TMEM178B: variants seen among roughly 807,000 people sequenced by gnomAD.
The protein encoded by TMEM178B is transmembrane protein 178B.
A neutral mutation model predicts 31.0 loss-of-function variants in TMEM178B; 5 were observed. The observed-to-expected ratio is 0.16, with a 90% CI of 0.08 to 0.34. TMEM178B has a LOEUF of 0.34. TMEM178B is among the 10% of genes least tolerant of loss of function. TMEM178B has a pLI of 1.00. For synonymous variants in TMEM178B, 164 were observed against 164.0 expected (o/e 1.00, Z 0.00); for missense variants, 275 against 400.3 (o/e 0.69, Z 2.67).
intron 2 of TMEM178B, among the ~76,000 whole-genome samples, chr7:141,416,830 A>G (rs1801107040): frequency 6.6e-6 from 1 of 152,206 alleles, no homozygotes. Flanking sequence ...CCAGACACAG[A>G]GTACATAACG....
chr7:141,126,295 G>A (rs1033516798), intron 1 of TMEM178B, among the ~76,000 whole-genome samples: 1 of 152,206 alleles, frequency 6.6e-6, no homozygotes, highest in African/African-American at 2.4e-5. Flanking sequence ...AGAGGGTGGT[G>A]GGGATGGGGC....
At chr7:141,282,266 GC>G (rs1273868728) in intron 2 of TMEM178B, among the ~76,000 whole-genome samples, 1 of 152,222 alleles carries the variant, frequency 6.6e-6, no homozygotes, top group African/African-American at 2.4e-5. Context: ...CCCTGGGTTT[GC>G]AAGTTACGGG....
intron 1 of TMEM178B, among the ~76,000 whole-genome samples, chr7:141,147,387 C>T (rs934155998): frequency 3.9e-5 from 6 of 151,918 alleles, no homozygotes; most frequent in Admixed American, 2.6e-4. Flanking sequence ...CCTTGTAAGC[C>T]GTGTTTAGCA....
At chr7:141,172,127 A>G (rs994638547) in intron 1 of TMEM178B, among the ~76,000 whole-genome samples, 1 of 152,168 alleles carries the variant, frequency 6.6e-6, no homozygotes, top group Non-Finnish European at 1.5e-5. Flanking sequence ...ACCTTCCCCA[A>G]GGTTACAGAG....
At chr7:141,280,146 T>C (rs1377575274) in intron 2 of TMEM178B, among the ~76,000 whole-genome samples, 2 of 152,192 alleles carry the variant, frequency 1.3e-5, no homozygotes, top group Non-Finnish European at 2.9e-5. Context: ...GTTCCCTGTC[T>C]GGACTCCATT....
chr7:141,123,566 A>T (rs1795442434), intron 1 of TMEM178B, among the ~76,000 whole-genome samples: 1 of 152,148 alleles, frequency 6.6e-6, no homozygotes, highest in African/African-American at 2.4e-5. Flanking sequence ...CAGTGTCTGT[A>T]CTGGTGACCA....
At chr7:141,254,997 T>C (rs1051955882) in intron 2 of TMEM178B, among the ~76,000 whole-genome samples, 1 of 152,180 alleles carries the variant, frequency 6.6e-6, no homozygotes, top group Admixed American at 6.5e-5. Context: ...TGGTTCTCAG[T>C]AGAGGTGAGA....
At chr7:141,500,441 T>A in the TMEM178B span, among the ~76,000 whole-genome samples, 1 of 152,174 alleles carries the variant, frequency 6.6e-6, no homozygotes, top group South Asian at 2.1e-4. Flanking sequence ...AACCTTTTTC[T>A]TAGGGCATAT....
At chr7:141,192,352 TGTACCTG>T (rs900519782) in intron 1 of TMEM178B, among the ~76,000 whole-genome samples, 2 of 151,934 alleles carry the variant, frequency 1.3e-5, no homozygotes, top group Non-Finnish European at 2.9e-5. Flanking sequence ...AGATAGGCCA[TGTACCTG>T]GGGAAGGGAG....
At chr7:141,375,504 A>G (rs1204465095) in intron 2 of TMEM178B, among the ~76,000 whole-genome samples, 1 of 152,234 alleles carries the variant, frequency 6.6e-6, no homozygotes, top group Non-Finnish European at 1.5e-5. Flanking sequence ...CAGGACTAAC[A>G]TCTGTGTTAG....
chr7:141,159,752 A>G (rs1475274961), intron 1 of TMEM178B, among the ~76,000 whole-genome samples: 1 of 152,130 alleles, frequency 6.6e-6, no homozygotes, highest in African/African-American at 2.4e-5. Context: ...TATTCTTTCT[A>G]CTTAGAATGG....
At chr7:141,485,925 A>G in the TMEM178B span, among the ~76,000 whole-genome samples, 12 of 152,220 alleles carry the variant, frequency 7.9e-5, no homozygotes, top group Admixed American at 7.9e-4. Flanking sequence ...TAGGGGACCA[A>G]TAAAGAACCC....
intron 1 of TMEM178B, among the ~76,000 whole-genome samples, chr7:141,131,260 C>T (rs2068817409): frequency 6.6e-6 from 1 of 152,204 alleles, no homozygotes; most frequent in African/African-American, 2.4e-5. Context: ...GATCTCTCAA[C>T]TCAGTTGTTT....
At chr7:141,402,389 C>T (rs890368673) in intron 2 of TMEM178B, among the ~76,000 whole-genome samples, 7 of 152,220 alleles carry the variant, frequency 4.6e-5, no homozygotes, top group African/African-American at 1.7e-4. Flanking sequence ...CGGTCTCTTT[C>T]ATAACTGCCT....
At chr7:141,150,949 A>G (rs1209198889) in intron 1 of TMEM178B, among the ~76,000 whole-genome samples, 2 of 152,244 alleles carry the variant, frequency 1.3e-5, no homozygotes, top group Admixed American at 6.5e-5. Context: ...ATCTAGATGC[A>G]TGATTAAATG....
chr7:141,108,972 AAG>A (rs758354170), intron 1 of TMEM178B, among the ~76,000 whole-genome samples: 6 of 152,200 alleles, frequency 3.9e-5, no homozygotes, highest in African/African-American at 7.2e-5. Flanking sequence ...TGGTGGCGGC[AAG>A]AGAGAGAATG....
chr7:141,294,278 G>A (rs761321896), intron 2 of TMEM178B, among the ~76,000 whole-genome samples: 2 of 152,186 alleles, frequency 1.3e-5, no homozygotes, highest in Non-Finnish European at 2.9e-5. Context: ...GGGCCCCTTA[G>A]TTCCTCTCCA....
intron 2 of TMEM178B, among the ~76,000 whole-genome samples, chr7:141,313,492 C>T (rs1309920176): frequency 2.6e-5 from 4 of 152,190 alleles, no homozygotes; most frequent in African/African-American, 9.6e-5. Flanking sequence ...CCAAGTGCCT[C>T]CTGCTAACTT....
the TMEM178B span, among the ~76,000 whole-genome samples, chr7:141,494,358 T>C: frequency 6.6e-6 from 1 of 152,230 alleles, no homozygotes; most frequent in African/African-American, 2.4e-5. Context: ...TTCCTATTCC[T>C]TTCTTCTCAT....
Sources: gnomAD v4.1 joint callset for allele counts (sites outside exome capture counted in the v4.1 genomes callset) on GRCh38, gnomAD v4.1.1 for gene constraint, MANE v1.5 for transcripts, NCBI Gene and HGNC (gene_info 2026-07-23, HGNC 2026-07-21) for gene names.